Variants in TEAD1 observed in about 807,000 individuals in gnomAD.
TEAD1 encodes the protein transcriptional enhancer factor TEF-1.
In TEAD1, 9 loss-of-function variants were observed where a neutral mutation model predicts 54.9. The observed-to-expected ratio is 0.16, with a 90% CI of 0.10 to 0.29. The LOEUF is 0.29. Ranked by LOEUF, TEAD1 falls within the 10% of genes least tolerant of loss-of-function variation. TEAD1 has a pLI of 1.00. For missense variants in TEAD1, 387 were observed against 535.9 expected (o/e 0.72, Z 2.74); for synonymous variants, 200 against 187.8 (o/e 1.07, Z -0.53).
intron 3 of TEAD1, among the ~76,000 whole-genome samples, chr11:12,805,495 C>T (rs1449699524): frequency 6.6e-6 from 1 of 152,094 alleles, no homozygotes; most frequent in East Asian, 1.9e-4. Flanking sequence ...TGTAACATAT[C>T]CTAGCCAATA....
chr11:12,739,804 A>T (rs939725197), intron 2 of TEAD1, among the ~76,000 whole-genome samples: 1 of 152,204 alleles, frequency 6.6e-6, no homozygotes, highest in East Asian at 1.9e-4. Flanking sequence ...AGTTGCTGCA[A>T]ATACAAAGAA....
chr11:12,935,869 A>T (rs113020186), intron 12 of TEAD1, among the ~76,000 whole-genome samples: 48 of 152,326 alleles, frequency 3.2e-4, no homozygotes, highest in East Asian at 9.6e-4. Context: ...GGATATTAGA[A>T]AAAAAATTGT....
chr11:12,781,656 A>C (rs1299768601), intron 3 of TEAD1, among the ~76,000 whole-genome samples: 4 of 150,924 alleles, frequency 2.7e-5, no homozygotes, highest in South Asian at 2.1e-4. Flanking sequence ...AAAAAAAAAA[A>C]AACAGACAAT....
At chr11:12,915,571 GGC>G (rs1948696479) in intron 10 of TEAD1, among the ~76,000 whole-genome samples, 1 of 152,192 alleles carries the variant, frequency 6.6e-6, no homozygotes, top group Non-Finnish European at 1.5e-5. Flanking sequence ...AGGATGGCTG[GGC>G]ATGGTGGCCC....
intron 3 of TEAD1, among the ~76,000 whole-genome samples, chr11:12,825,647 G>C (rs56120222): frequency 0.045 from 6,916 of 152,144 alleles, 564 homozygotes; most frequent in African/African-American, 0.16. Flanking sequence ...AAAAAAAATT[G>C]TCAAGCTGTT....
At chr11:12,867,123 C>T (rs2134075234) in intron 5 of TEAD1, among the ~76,000 whole-genome samples, 1 of 152,284 alleles carries the variant, frequency 6.6e-6, no homozygotes, top group Non-Finnish European at 1.5e-5. Context: ...ATTGACTAGT[C>T]ACAAAGCCTT....
chr11:12,710,312 G>A (rs970462819), intron 2 of TEAD1, among the ~76,000 whole-genome samples: 3 of 152,004 alleles, frequency 2.0e-5, no homozygotes, highest in Admixed American at 6.6e-5. Context: ...TGACAGAGTG[G>A]GACCCTGTCT....
At chr11:12,816,255 C>G (rs1946412604) in intron 3 of TEAD1, among the ~76,000 whole-genome samples, 1 of 151,898 alleles carries the variant, frequency 6.6e-6, no homozygotes, top group Admixed American at 6.5e-5. Context: ...CACCCTCTCT[C>G]ATTCCAGTGT....
At chr11:12,744,210 A>G (rs974173130) in intron 2 of TEAD1, among the ~76,000 whole-genome samples, 1 of 152,222 alleles carries the variant, frequency 6.6e-6, no homozygotes, top group African/African-American at 2.4e-5. Flanking sequence ...CTGTGTATAC[A>G]GTGTGAGAGG....
chr11:12,683,172 GA>G (rs1314031770), intron 2 of TEAD1, among the ~76,000 whole-genome samples: 1 of 152,102 alleles, frequency 6.6e-6, no homozygotes, highest in African/African-American at 2.4e-5. Flanking sequence ...GATTGATAGA[GA>G]GTAAAAAGTT....
At chr11:12,896,215 C>G (rs1948312917) in intron 9 of TEAD1, among the ~76,000 whole-genome samples, 1 of 152,188 alleles carries the variant, frequency 6.6e-6, no homozygotes, top group East Asian at 1.9e-4. Context: ...CTCAAAGTTT[C>G]GAGGAGAACT....
rs1449089919 is a variant in TEAD1, at chr11:12,783,127, TGTGTGTGC to T, written c.202+18695_202+18702del. On this transcript the variant is annotated intron_variant, in intron 3 of 12. Transcript: ENST00000527636. ...GTGTGTGTGTGTGTGTGTGTGTGTG[TGTGTGTGC>T]GCGCACTTTCTTTTTAAATCACTGT... Among the ~76,000 whole-genome samples the T allele has an allele frequency of 7.4e-3, 1,112 of 150,670 alleles. 19 individuals are homozygous for T. The highest frequency in any genetic ancestry group is 0.026 in the African/African-American group (1,060 of 40,952).
In TEAD1 at chr11:12,938,284, C is replaced by CAAGT. The variant is rs1180473567; in HGVS notation, c.*1065_*1068dup. On this transcript the variant is annotated 3_prime_UTR_variant, in exon 13 of 13. Coordinates refer to ENST00000527636, the MANE Select transcript of TEAD1 (RefSeq NM_021961.6). ...CTGGGAGAAAATTTCATCAAATAGA[C>CAAGT]AAGTAAAAGGCTCATCAGTTTTAGC... 2.0e-5 allele frequency: 3 copies of CAAGT among 152,556 alleles called. No individual in the cohort carries two copies. The highest frequency in any genetic ancestry group is 2.9e-5 in the Non-Finnish European group (2 of 68,024). 9.5% of individuals were successfully genotyped at this position (152,556 alleles called of 1,614,324 possible). A position where few individuals can be genotyped will look rare whatever the true frequency, so the allele number is the denominator to read the frequency against.
At chr11:12,723,405 T>C (rs1023485696) in intron 2 of TEAD1, among the ~76,000 whole-genome samples, 1 of 151,932 alleles carries the variant, frequency 6.6e-6, no homozygotes, top group Non-Finnish European at 1.5e-5. Context: ...TTTCAGACTC[T>C]TGAATTTTAC....
intron 2 of TEAD1, among the ~76,000 whole-genome samples, chr11:12,676,801 C>T (rs772068776): frequency 6.6e-6 from 1 of 152,120 alleles, no homozygotes; most frequent in Non-Finnish European, 1.5e-5. Context: ...GTTGAACTCT[C>T]AGGTTTCAGG....
chr11:12,820,370 G>A (rs941488678), intron 3 of TEAD1, among the ~76,000 whole-genome samples: 1 of 116,428 alleles, frequency 8.6e-6, no homozygotes, highest in Non-Finnish European at 1.6e-5. Flanking sequence ...CACAGTTTTA[G>A]TCTCTAATAG....
At chr11:12,862,593 G>T (rs1947528405) in intron 4 of TEAD1, among the ~76,000 whole-genome samples, 2 of 152,164 alleles carry the variant, frequency 1.3e-5, no homozygotes, top group African/African-American at 4.8e-5. Context: ...TTTCAAAGCT[G>T]ACATTTCTTT....
chr11:12,908,881 C>CTTTTTTT (rs1564986691), intron 10 of TEAD1, among the ~76,000 whole-genome samples: 1 of 74,318 alleles, frequency 1.3e-5, no homozygotes, highest in Non-Finnish European at 2.7e-5. Context: ...TTCAAATTAT[C>CTTTTTTT]TGTTTTTTTT....
At chr11:12,830,329 A>G (rs1338265184) in intron 3 of TEAD1, among the ~76,000 whole-genome samples, 2 of 152,126 alleles carry the variant, frequency 1.3e-5, no homozygotes, top group East Asian at 1.9e-4. Flanking sequence ...GTGATGAGCA[A>G]GGGGCCCAGA....
Sources: allele counts gnomAD v4.1 joint callset (sites outside exome capture counted in the v4.1 genomes callset), GRCh38; gene constraint gnomAD v4.1.1; transcripts MANE v1.5; gene names NCBI Gene and HGNC (gene_info 2026-07-23, HGNC 2026-07-21).